The following PPM1B variants were observed in gnomAD, a reference collection of about 807,000 sequenced individuals.
The protein encoded by PPM1B is protein phosphatase 1B.
PPM1B carries 22 observed loss-of-function variants against 43.0 expected under a neutral mutation model. That is an observed-to-expected ratio of 0.51 (90% CI 0.37 to 0.73). PPM1B has a LOEUF of 0.73. Ranked by LOEUF, PPM1B falls within the 30% of genes least tolerant of loss-of-function variation. The pLI is 0.00. For synonymous variants in PPM1B, 217 were observed against 197.9 expected, an observed-to-expected ratio of 1.10 and a Z score of -0.81; for missense variants, 632 against 584.2, an observed-to-expected ratio of 1.08 and a Z score of -0.84.
At chr2:44,184,144 T>C (rs777197828) in intron 1 of PPM1B, among the ~76,000 whole-genome samples, 5 of 152,240 alleles carry the variant, frequency 3.3e-5, no homozygotes, top group African/African-American at 7.2e-5. Context: ...ACCTTCCTCA[T>C]AGGATTATTG....
At chr2:44,199,145 C>T (rs2104114686) in intron 1 of PPM1B, among the ~76,000 whole-genome samples, 1 of 151,814 alleles carries the variant, frequency 6.6e-6, no homozygotes, top group East Asian at 1.9e-4. Context: ...GTAACCCCAG[C>T]TACCCGGGAG....
chr2:44,192,917 A>G (rs1668475021), intron 1 of PPM1B, among the ~76,000 whole-genome samples: 1 of 152,190 alleles, frequency 6.6e-6, no homozygotes, highest in African/African-American at 2.4e-5. Flanking sequence ...TTTAAGGCTG[A>G]ACAGTATTCC....
At chr2:44,219,471 A>G (rs1412296606) in intron 5 of PPM1B, among the ~76,000 whole-genome samples, 2 of 152,140 alleles carry the variant, frequency 1.3e-5, no homozygotes, top group African/African-American at 2.4e-5. Flanking sequence ...CAGCAATATA[A>G]TATGATTTCT....
intron 1 of PPM1B, among the ~76,000 whole-genome samples, chr2:44,186,651 T>G (rs536189637): frequency 8.5e-5 from 13 of 152,358 alleles, no homozygotes; most frequent in African/African-American, 3.1e-4. Context: ...CTGGGATTAT[T>G]GGCGTGAGCC....
At chr2:44,193,992 G>A (rs1472559899) in intron 1 of PPM1B, among the ~76,000 whole-genome samples, 1 of 152,112 alleles carries the variant, frequency 6.6e-6, no homozygotes, top group Non-Finnish European at 1.5e-5. Flanking sequence ...GGGGTTGCAG[G>A]CATGAACTAC....
chr2:44,232,588 A>T (rs1325989736), downstream of PPM1B: 1 of 1,320,048 alleles, frequency 7.6e-7, no homozygotes, highest in Non-Finnish European at 9.7e-7. Context: ...TTACATCTGT[A>T]TTGAACTTTC....
At position 44,169,149 on chromosome 2, in the gene PPM1B, G is replaced by GCGGAGGCGA; in HGVS notation, c.-137_-136insAGGCGACGG. ...GGCGGTGTAAACAGCCCCGGAGGCG[G>GCGGAGGCGA]CGGTCGAGACCCCGAGGGGGAAGCG... On this transcript the variant is annotated 5_prime_UTR_variant, in exon 1 of 6. Transcript: ENST00000282412. 5.7e-6 allele frequency: 1 copy of GCGGAGGCGA among 173,914 alleles called. No homozygotes were observed. The highest frequency in any genetic ancestry group is 1.2e-5 in the Non-Finnish European group (1 of 81,060). The allele number at this position is 173,914 out of a possible 1,614,324, so 10.8% of individuals were successfully genotyped here.
In PPM1B at chr2:44,188,751, CTTCCTTCCTTCT is replaced by C. The variant is rs1668252715; in HGVS notation, c.-14-12423_-14-12412del. Among the ~76,000 whole-genome samples the C allele has an allele frequency of 4.7e-5, 7 of 148,450 alleles. No individual in the cohort carries two copies. In the South Asian group the frequency reaches 8.7e-4, roughly 19 times the overall value. Reference sequence around the variant, plus strand: ...CCTTCCTTCCTTCTTTCCTTCCTTCCTTCCTTCCTTCTTTCCTTCCTTCCTTCCTTCCCTCCT... The same window carrying C: ...CCTTCCTTCCTTCTTTCCTTCCTTCCTTCCTTCCTTCCTTCCTTCCCTCCT... On this transcript the variant is annotated intron_variant, in intron 1 of 5. Coordinates refer to ENST00000282412, the MANE Select transcript of PPM1B (RefSeq NM_002706.6).
chr2:44,218,371 A>T, intron 4 of PPM1B, 109 bp from the exon 5 acceptor site: 1 of 807,938 alleles, frequency 1.2e-6, no homozygotes, highest in Non-Finnish European at 2.0e-6. Context: ...TGACAAGTAT[A>T]GAGTGTACCA....
chr2:44,203,352 A>G (rs947322857), intron 2 of PPM1B, among the ~76,000 whole-genome samples: 1 of 152,160 alleles, frequency 6.6e-6, no homozygotes, highest in Non-Finnish European at 1.5e-5. Flanking sequence ...AAGTGGGTCT[A>G]AAATTATGTA....
At chr2:44,181,605 A>G (rs1667878814) in intron 1 of PPM1B, among the ~76,000 whole-genome samples, 1 of 152,242 alleles carries the variant, frequency 6.6e-6, no homozygotes, top group Non-Finnish European at 1.5e-5. Flanking sequence ...GATGGAACAT[A>G]GTGATTTAAT....
chr2:44,236,368 A>C (rs955246040), downstream of PPM1B, among the ~76,000 whole-genome samples: 1 of 142,284 alleles, frequency 7.0e-6, no homozygotes, highest in Non-Finnish European at 1.5e-5. Flanking sequence ...GCGCCACTGC[A>C]CTACAGCCTG....
At chr2:44,181,791 A>T (rs976012582) in intron 1 of PPM1B, among the ~76,000 whole-genome samples, 1 of 152,202 alleles carries the variant, frequency 6.6e-6, no homozygotes, top group East Asian at 1.9e-4. Flanking sequence ...CTTTGTGTTT[A>T]AAATCTAGAC....
chr2:44,207,592 T>G (rs77349976), intron 2 of PPM1B, among the ~76,000 whole-genome samples: 9 of 152,154 alleles, frequency 5.9e-5, no homozygotes, highest in African/African-American at 1.9e-4. Flanking sequence ...TTTTTTTTTT[T>G]TGAGAGAGAG....
Position 44,230,969 on chromosome 2 carries a change from A to C in PPM1B, c.*251A>C. 1 of 1,084,072 alleles carries C rather than the reference A, an allele frequency of 9.2e-7. No individual in the cohort carries two copies. The highest frequency in any genetic ancestry group is 1.1e-6 in the Non-Finnish European group (1 of 876,650). 67.2% of individuals were successfully genotyped at this position (1,084,072 alleles called of 1,614,324 possible). A position where few individuals can be genotyped will look rare whatever the true frequency, so the allele number is the denominator to read the frequency against. ...ATTGTATGCCAGAAATTAGGCTACC[A>C]ATTATGAATTAAAGTCAGTAGTTAA... On this transcript the variant is annotated 3_prime_UTR_variant, in exon 6 of 6. Transcript: ENST00000282412.
At position 44,218,048 on chromosome 2, in the gene PPM1B, A is replaced by T. The variant is rs1669805444; in HGVS notation, c.1046A>T (p.Asn349Ile). ...ATCTTGTCTGCAGAAAATATCCCAAATTTGCCTCCTGGGGGAGGTCTTGCT... is the reference window on the plus strand; with the variant it reads ...ATCTTGTCTGCAGAAAATATCCCAATTTTGCCTCCTGGGGGAGGTCTTGCT... ...MRILSAENIP[N>I]LPPGGGLAGK... Residue 349 changes from asparagine to isoleucine, a missense_variant, in exon 4 of 6, where the codon AAT (asparagine) becomes ATT (isoleucine). Around this residue, in one of 3 missense-constraint regions of PPM1B, gnomAD observed 392 missense variants for 302.7 expected, o/e 1.29. Coordinates refer to ENST00000282412, the MANE Select transcript of PPM1B (RefSeq NM_002706.6). 6.2e-7 allele frequency: 1 copy of T among 1,613,144 alleles called. No individual in the cohort carries two copies. Among genetic ancestry groups the T allele is most frequent in the Non-Finnish European group, 8.5e-7 (1 of 1,179,738 alleles).
At chr2:44,192,190 GGTATTGTATTGTATT>G (rs147906873) in intron 1 of PPM1B, among the ~76,000 whole-genome samples, 45 of 143,642 alleles carry the variant, frequency 3.1e-4, no homozygotes, top group South Asian at 4.5e-4. Flanking sequence ...GTTATGTTAT[GGTATTGTATTGTATT>G]GTATTGTATT....
chr2:44,192,882 G>T (rs1390079105), intron 1 of PPM1B, among the ~76,000 whole-genome samples: 1 of 152,120 alleles, frequency 6.6e-6, no homozygotes. Context: ...CCATGTTGTT[G>T]TAAATGACAG....
Position 44,201,101 on chromosome 2 carries a change from T to C in PPM1B, c.-14-85T>C, listed in dbSNP as rs938433298. On this transcript the variant is annotated intron_variant, in intron 1 of 5. Coordinates refer to ENST00000282412, the MANE Select transcript of PPM1B (RefSeq NM_002706.6). The surrounding 1 kb of genome is among the most constrained non-coding windows in gnomAD (Gnocchi z 5.4). ...ATAATACTAAAAAAAATACTTGAGG[T>C]AGGAGTTACTAGACTATAGAGGGAA... The C allele has an allele frequency of 1.2e-5, 16 of 1,332,210 alleles. No individual in the cohort carries two copies. The Admixed American group carries it at 4.2e-4, about 35-fold the overall frequency. The allele number at this position is 1,332,210 out of a possible 1,614,324, so 82.5% of individuals were successfully genotyped here. A position where few individuals can be genotyped will look rare whatever the true frequency, so the allele number is the denominator to read the frequency against.
Sources: allele counts gnomAD v4.1 joint callset (sites outside exome capture counted in the v4.1 genomes callset), GRCh38; gene constraint gnomAD v4.1.1; regional missense constraint gnomAD v4.1.1; non-coding constraint Gnocchi (gnomAD v3.1); transcripts MANE v1.5; gene names NCBI Gene and HGNC (gene_info 2026-07-23, HGNC 2026-07-21).